PARD3: variants seen among roughly 807,000 people sequenced by gnomAD.
PARD3 encodes the protein par-3 family cell polarity regulator.
In PARD3, 75 loss-of-function variants were observed where a neutral mutation model predicts 155.4. That is an observed-to-expected ratio of 0.48 (90% confidence interval 0.40 to 0.58). PARD3 has a LOEUF of 0.58. Among genes scored for constraint, PARD3 ranks in the 20% least tolerant of loss-of-function variants. PARD3 has a pLI of 0.00. For missense variants in PARD3, 1,642 were observed against 1,721.7 expected (o/e 0.95, Z 0.82); for synonymous variants, 576 against 610.5 (o/e 0.94, Z 0.83).
At chr10:34,566,415 T>A (rs1428090089) in intron 2 of PARD3, among the ~76,000 whole-genome samples, 1 of 152,200 alleles carries the variant, frequency 6.6e-6, no homozygotes, top group African/African-American at 2.4e-5. Context: ...AACTTGGTCT[T>A]TTCTGACCTG....
intron 3 of PARD3, among the ~76,000 whole-genome samples, chr10:34,495,183 CA>C (rs1052171016): frequency 6.7e-6 from 1 of 149,614 alleles, no homozygotes; most frequent in African/African-American, 2.5e-5. Context: ...AAAAAAAAAA[CA>C]AACAAAAACC....
At chr10:34,671,029 G>C (rs2093601564) in intron 2 of PARD3, among the ~76,000 whole-genome samples, 1 of 152,250 alleles carries the variant, frequency 6.6e-6, no homozygotes, top group Non-Finnish European at 1.5e-5. Context: ...AGATGAGGTA[G>C]CATCTGGCTA....
chr10:34,760,665 G>A (rs1237097706), intron 1 of PARD3, among the ~76,000 whole-genome samples: 1 of 152,164 alleles, frequency 6.6e-6, no homozygotes, highest in African/African-American at 2.4e-5. Flanking sequence ...AGAAGTGACA[G>A]GATGTTGCTT....
chr10:34,559,603 C>A (rs1379138066), intron 2 of PARD3, among the ~76,000 whole-genome samples: 1 of 152,176 alleles, frequency 6.6e-6, no homozygotes, highest in Non-Finnish European at 1.5e-5. Flanking sequence ...AAGATTGCTA[C>A]CTTTTTAACA....
chr10:34,484,335 T>C (rs2079293881), intron 3 of PARD3, among the ~76,000 whole-genome samples: 1 of 152,180 alleles, frequency 6.6e-6, no homozygotes, highest in Non-Finnish European at 1.5e-5. Context: ...TCACAAAGCA[T>C]GAGAATTTTA....
intron 2 of PARD3, among the ~76,000 whole-genome samples, chr10:34,579,743 G>A (rs1458187516): frequency 6.6e-6 from 1 of 151,624 alleles, no homozygotes; most frequent in Non-Finnish European, 1.5e-5. Context: ...ACCACGCCTG[G>A]CTAATTGTTG....
chr10:34,126,849 G>T (rs559422223), intron 23 of PARD3, among the ~76,000 whole-genome samples: 98 of 149,514 alleles, frequency 6.6e-4, no homozygotes, highest in African/African-American at 2.3e-3. Flanking sequence ...AGGTCAACTT[G>T]TGACCCATAA....
At chr10:34,296,494 G>A (rs1956916912) in intron 20 of PARD3, among the ~76,000 whole-genome samples, 1 of 152,148 alleles carries the variant, frequency 6.6e-6, no homozygotes, top group Admixed American at 6.5e-5. Context: ...CTCCCAAAGT[G>A]CTTGGATTAA....
In PARD3 at chr10:34,262,452, G is replaced by A. The variant is rs953017367; in HGVS notation, c.3419+7205C>T. 2.0e-5 allele frequency among the ~76,000 whole-genome samples: 3 copies of A among 152,052 alleles called. No individual in the cohort carries two copies. The South Asian group carries it at 6.2e-4, about 32-fold the overall frequency. On this transcript the variant is annotated intron_variant, in intron 22 of 24. Transcript: ENST00000374788. ...CCGGATAATTTTAGTGTTTTTAAGAGACAGCATCTCGCTGTGTTGTCTAGG... is the reference window on the plus strand; with the variant it reads ...CCGGATAATTTTAGTGTTTTTAAGAAACAGCATCTCGCTGTGTTGTCTAGG...
rs926278925 is a variant in PARD3, at chr10:34,641,240, A to T, written c.222+55078T>A. 2.6e-5 allele frequency among the ~76,000 whole-genome samples: 4 copies of T among 152,212 alleles called. No homozygotes were observed. The East Asian group carries it at 7.7e-4, about 29-fold the overall frequency. On this transcript the variant is annotated intron_variant, in intron 2 of 24. Coordinates refer to ENST00000374788, the MANE Select transcript of PARD3 (RefSeq NM_001184785.2). ...GATAATGAACTCTTACTTGAATTAA[A>T]CACACACCCAAGGAGGCCAACAAGG...
intron 2 of PARD3, among the ~76,000 whole-genome samples, chr10:34,599,041 T>C (rs1334101726): frequency 6.6e-6 from 1 of 151,786 alleles, no homozygotes; most frequent in Non-Finnish European, 1.5e-5. Flanking sequence ...ACTGACCCAA[T>C]CAACACAAGG....
chr10:34,372,565 C>G (rs1294232924), intron 11 of PARD3, 29 bp from the exon 12 acceptor site: 2 of 1,554,844 alleles, frequency 1.3e-6, no homozygotes, highest in Non-Finnish European at 1.8e-6. Flanking sequence ...AACATAAATA[C>G]AGACTGACCA....
At chr10:34,652,843 T>C (rs748049644) in intron 2 of PARD3, among the ~76,000 whole-genome samples, 11 of 152,184 alleles carry the variant, frequency 7.2e-5, no homozygotes, top group Admixed American at 7.2e-4. Flanking sequence ...GGAGCTTACA[T>C]ATAAAGTTAA....
At chr10:34,505,097 A>G (rs555325398) in intron 3 of PARD3, among the ~76,000 whole-genome samples, 3 of 152,356 alleles carry the variant, frequency 2.0e-5, no homozygotes, top group African/African-American at 4.8e-5. Flanking sequence ...AATACAACAA[A>G]CACTTTCAGG....
intron 1 of PARD3, among the ~76,000 whole-genome samples, chr10:34,762,758 G>A (rs542630782): frequency 1.3e-5 from 2 of 152,190 alleles, no homozygotes; most frequent in South Asian, 4.1e-4. Flanking sequence ...ATTTGTGCTG[G>A]GCTGGCAGGA....
intron 22 of PARD3, among the ~76,000 whole-genome samples, chr10:34,229,855 A>C (rs1379548124): frequency 6.6e-6 from 1 of 152,110 alleles, no homozygotes; most frequent in Admixed American, 6.5e-5. Flanking sequence ...ACAAAGAAAC[A>C]TGTCTTTCAT....
chr10:34,345,810 G>C (rs1837355901), intron 15 of PARD3: 2 of 985,056 alleles, frequency 2.0e-6, no homozygotes, highest in African/African-American at 3.5e-5. Flanking sequence ...ACTTTAAGTG[G>C]TAACTAATTT....
chr10:34,604,785 C>T (rs1164238391), intron 2 of PARD3, among the ~76,000 whole-genome samples: 1 of 151,734 alleles, frequency 6.6e-6, no homozygotes, highest in African/African-American at 2.4e-5. Context: ...TGCGAATATA[C>T]GGCAGAGATA....
chr10:34,308,497 A>C (rs1957528378), intron 20 of PARD3, among the ~76,000 whole-genome samples: 1 of 152,170 alleles, frequency 6.6e-6, no homozygotes, highest in Non-Finnish European at 1.5e-5. Flanking sequence ...CATAAGGGAA[A>C]ATCAGGTGTC....
Sources: allele counts gnomAD v4.1 joint callset (sites outside exome capture counted in the v4.1 genomes callset), GRCh38; gene constraint gnomAD v4.1.1; transcripts MANE v1.5; gene names NCBI Gene and HGNC (gene_info 2026-07-23, HGNC 2026-07-21).